The following PPARGC1A variants were observed in gnomAD, a reference collection of about 807,000 sequenced individuals.
The protein encoded by PPARGC1A is peroxisome proliferator-activated receptor gamma coactivator 1-alpha.
In PPARGC1A, 25 loss-of-function variants were observed where a neutral mutation model predicts 88.7. That is an observed-to-expected ratio of 0.28 (90% CI 0.21 to 0.39). PPARGC1A has a LOEUF of 0.39. PPARGC1A is among the 10% of genes least tolerant of loss of function. The pLI is 1.00. For missense variants in PPARGC1A, 880 were observed against 968.7 expected (o/e 0.91, Z 1.22); for synonymous variants, 363 against 355.6 (o/e 1.02, Z -0.24).
the PPARGC1A span, among the ~76,000 whole-genome samples, chr4:24,336,453 A>G: frequency 6.6e-6 from 1 of 152,210 alleles, no homozygotes; most frequent in South Asian, 2.1e-4. Context: ...TACTGAAAAT[A>G]CAGAAAAATA....
At chr4:24,194,281 A>T in the PPARGC1A span, among the ~76,000 whole-genome samples, 1 of 152,284 alleles carries the variant, frequency 6.6e-6, no homozygotes, top group African/African-American at 2.4e-5. Flanking sequence ...GCCTGTACTG[A>T]CTCAACTCAT....
At chr4:24,315,248 G>A in the PPARGC1A span, among the ~76,000 whole-genome samples, 1 of 152,150 alleles carries the variant, frequency 6.6e-6, no homozygotes, top group Non-Finnish European at 1.5e-5. Flanking sequence ...AGCCACTAGT[G>A]TCAGTAGAAA....
At chr4:24,104,629 G>A in the PPARGC1A span, among the ~76,000 whole-genome samples, 3 of 152,206 alleles carry the variant, frequency 2.0e-5, no homozygotes, top group South Asian at 4.2e-4. Context: ...ACATCTCATT[G>A]GAAGCAATCA....
intron 2 of PPARGC1A, among the ~76,000 whole-genome samples, chr4:23,848,837 A>G (rs751061266): frequency 8.6e-5 from 13 of 150,700 alleles, no homozygotes; most frequent in Non-Finnish European, 1.6e-4. Context: ...TGAGGAAGGC[A>G]TCTGGGCCCT....
the PPARGC1A span, among the ~76,000 whole-genome samples, chr4:24,250,724 A>G: frequency 0.087 from 13,196 of 152,254 alleles, 731 homozygotes; most frequent in East Asian, 0.29. Flanking sequence ...GGTCAGGTCA[A>G]GGGGAGGTTT....
At chr4:23,918,984 T>A in the PPARGC1A span, among the ~76,000 whole-genome samples, 1 of 152,096 alleles carries the variant, frequency 6.6e-6, no homozygotes. Context: ...TTAGGACCCA[T>A]CTATTTTATA....
At chr4:24,116,712 G>A in the PPARGC1A span, among the ~76,000 whole-genome samples, 11 of 152,144 alleles carry the variant, frequency 7.2e-5, no homozygotes, top group East Asian at 1.9e-4. Context: ...CAAGGAACAC[G>A]AAGAAACAGA....
the PPARGC1A span, among the ~76,000 whole-genome samples, chr4:24,285,524 T>C: frequency 1.2e-4 from 18 of 152,326 alleles, no homozygotes; most frequent in Admixed American, 9.1e-4. Context: ...GTGCTTACTA[T>C]GGCGAGTGTT....
At chr4:23,945,940 A>G in the PPARGC1A span, among the ~76,000 whole-genome samples, 1 of 152,164 alleles carries the variant, frequency 6.6e-6, no homozygotes, top group Non-Finnish European at 1.5e-5. Flanking sequence ...GTGAGTCACA[A>G]AAGGCTAGAG....
chr4:24,435,736 G>T, the PPARGC1A span, among the ~76,000 whole-genome samples: 1 of 152,262 alleles, frequency 6.6e-6, no homozygotes, highest in East Asian at 1.9e-4. Flanking sequence ...CCACTAAGAG[G>T]TGATTTTTTA....
the PPARGC1A span, among the ~76,000 whole-genome samples, chr4:24,435,069 T>C: frequency 6.6e-6 from 1 of 152,170 alleles, no homozygotes; most frequent in Non-Finnish European, 1.5e-5. Flanking sequence ...TGTCGTAAGG[T>C]TGGCTGTCTT....
At chr4:24,177,408 T>C in the PPARGC1A span, among the ~76,000 whole-genome samples, 1 of 151,006 alleles carries the variant, frequency 6.6e-6, no homozygotes, top group African/African-American at 2.4e-5. Context: ...TAGGTGGGAA[T>C]TGAGCAATGA....
the PPARGC1A span, among the ~76,000 whole-genome samples, chr4:23,971,065 G>T: frequency 6.6e-6 from 1 of 152,060 alleles, no homozygotes; most frequent in African/African-American, 2.4e-5. Context: ...CACAGCAGAG[G>T]GCTCCACGCT....
At chr4:24,108,857 A>G in the PPARGC1A span, among the ~76,000 whole-genome samples, 73 of 151,222 alleles carry the variant, frequency 4.8e-4, no homozygotes, top group African/African-American at 1.6e-3. Flanking sequence ...AACTTAGGGG[A>G]AAAAAAAGGA....
At chr4:23,903,746 C>G (rs963578030), upstream of PPARGC1A, among the ~76,000 whole-genome samples, 1 of 152,066 alleles carries the variant, frequency 6.6e-6, no homozygotes, top group East Asian at 1.9e-4. Flanking sequence ...ATCCAGTCTT[C>G]CCAAATTAGG....
chr4:24,071,177 C>T, the PPARGC1A span, among the ~76,000 whole-genome samples: 1 of 152,264 alleles, frequency 6.6e-6, no homozygotes, highest in African/African-American at 2.4e-5. Flanking sequence ...AACTTACCAT[C>T]CCCACCTCAG....
chr4:24,038,581 A>T, the PPARGC1A span, among the ~76,000 whole-genome samples: 2 of 152,162 alleles, frequency 1.3e-5, no homozygotes, highest in Admixed American at 1.3e-4. Flanking sequence ...AACATTCTAT[A>T]TCCAGACCCT....
the PPARGC1A span, among the ~76,000 whole-genome samples, chr4:23,990,154 T>C: frequency 6.8e-6 from 1 of 147,024 alleles, no homozygotes; most frequent in South Asian, 2.1e-4. Context: ...ATATAATCCA[T>C]GGAATACATA....
chr4:24,242,396 T>A, the PPARGC1A span, among the ~76,000 whole-genome samples: 1 of 152,122 alleles, frequency 6.6e-6, no homozygotes, highest in Non-Finnish European at 1.5e-5. Context: ...TTCCTATGAG[T>A]CTTCAGGCCT....
Sources: allele counts gnomAD v4.1 joint callset (sites outside exome capture counted in the v4.1 genomes callset), GRCh38; gene constraint gnomAD v4.1.1; transcripts MANE v1.5; gene names NCBI Gene and HGNC (gene_info 2026-07-23, HGNC 2026-07-21).